IQCH: variants seen among roughly 807,000 people sequenced by gnomAD.
IQCH encodes IQ domain-containing protein H.
IQCH carries 98 observed loss-of-function variants against 117.0 expected under a neutral mutation model. The observed-to-expected ratio is 0.84, with a 90% CI of 0.71 to 0.99. The LOEUF is 0.99. Ranked by LOEUF, IQCH falls within the 50% of genes least tolerant of loss-of-function variation. The pLI is 0.00. For synonymous variants in IQCH, 412 were observed against 448.2 expected (o/e 0.92, Z 1.02); for missense variants, 1,102 against 1,243.8 (o/e 0.89, Z 1.72).
chr15:67,255,397 G>A (rs1361649479), intron 1 of IQCH: 1 of 161,886 alleles, frequency 6.2e-6, no homozygotes, highest in Non-Finnish European at 1.4e-5. Flanking sequence ...AGATCTAAAT[G>A]TTCCTCATTG....
intron 16 of IQCH, among the ~76,000 whole-genome samples, chr15:67,451,325 A>G (rs2082520797): frequency 6.6e-6 from 1 of 151,662 alleles, no homozygotes; most frequent in East Asian, 1.9e-4. Context: ...TAGGGTGTCA[A>G]TTTTAGATCT....
At chr15:67,283,604 G>A (rs74020133) in intron 4 of IQCH, among the ~76,000 whole-genome samples, 1 of 151,914 alleles carries the variant, frequency 6.6e-6, no homozygotes, top group Non-Finnish European at 1.5e-5. Flanking sequence ...AGTCTAAAGA[G>A]TCCAAAGTAA....
At position 67,413,972 on chromosome 15, in the gene IQCH, C is replaced by G. The variant is rs1596330446; in HGVS notation, c.2098-2959C>G. Among the ~76,000 whole-genome samples the G allele has an allele frequency of 6.6e-6, 1 of 152,348 alleles. No individual in the cohort carries two copies. The highest frequency in any genetic ancestry group is 6.5e-5 in the Admixed American group (1 of 15,300). ...ACAGTGTCCAGATGCCACACACAAG[C>G]AGCAGGCTGATGAGTTACTTATTGG... is the stretch of plus-strand genomic sequence containing the variant. On this transcript the variant is annotated intron_variant, in intron 14 of 20. Coordinates refer to ENST00000335894, the MANE Select transcript of IQCH (RefSeq NM_001031715.3). The surrounding 1 kb of genome is among the most constrained non-coding windows in gnomAD (Gnocchi z 5.0).
intron 4 of IQCH, among the ~76,000 whole-genome samples, chr15:67,284,820 G>T (rs12440294): frequency 0.3 from 45,152 of 151,982 alleles, 6,900 homozygotes; most frequent in South Asian, 0.37. Flanking sequence ...GTATTCCATG[G>T]TGTATATCTA....
rs12102223 is a variant in IQCH at position 67,333,720 on chromosome 15, A to G, written c.388-3255A>G. 5.1e-3 allele frequency among the ~76,000 whole-genome samples: 779 copies of G among 152,276 alleles called. 6 individuals are homozygous for G. Among genetic ancestry groups the G allele is most frequent in the African/African-American group, 0.018 (735 of 41,536 alleles). On this transcript the variant is annotated intron_variant, in intron 4 of 20. Transcript: ENST00000335894. ...GTTAATTCTGGCTGATGGGAATATG[A>G]TTGCTGTTTTCTTCTTTAAGCTTTT...
chr15:67,310,287 A>G (rs1335131826), intron 4 of IQCH, among the ~76,000 whole-genome samples: 1 of 152,068 alleles, frequency 6.6e-6, no homozygotes, highest in East Asian at 1.9e-4. Flanking sequence ...TCAGTGGGTT[A>G]ATTTGTGCTT....
intron 10 of IQCH, among the ~76,000 whole-genome samples, chr15:67,378,373 G>C (rs368942599): frequency 5.3e-5 from 8 of 151,022 alleles, no homozygotes; most frequent in African/African-American, 2.0e-4. Flanking sequence ...AGGAAATCTG[G>C]ACTTTCAATA....
chr15:67,475,823 G>A lies in IQCH; in HGVS notation c.2799+5G>A. ...GGCATTGGCTATGATGTTGAGGTAT[G>A]AAGGGTTACAGTTGGCCAGGGGCGG... On this transcript the variant is annotated splice_donor_5th_base_variant and intron_variant, in intron 18 of 20. Coordinates refer to ENST00000335894, the MANE Select transcript of IQCH (RefSeq NM_001031715.3). The surrounding 1 kb of genome is among the most constrained non-coding windows in gnomAD (Gnocchi z 5.7). The A allele has an allele frequency of 6.2e-7, 1 of 1,613,646 alleles. No individual in the cohort carries two copies. The highest frequency in any genetic ancestry group is 8.5e-7 in the Non-Finnish European group (1 of 1,179,688).
chr15:67,329,823 C>CAT (rs1403813480), intron 4 of IQCH, among the ~76,000 whole-genome samples: 3 of 145,658 alleles, frequency 2.1e-5, no homozygotes, highest in Non-Finnish European at 3.1e-5. Context: ...GTGAATTATA[C>CAT]ACACACACAC....
chr15:67,276,278 A>T (rs1966119185), intron 3 of IQCH, among the ~76,000 whole-genome samples: 1 of 152,220 alleles, frequency 6.6e-6, no homozygotes, highest in Admixed American at 6.5e-5. Context: ...GAAGGTGGTG[A>T]CATACTGTCT....
At position 67,381,841 on chromosome 15, in the gene IQCH, TGTG is replaced by T. The variant is rs907621433; in HGVS notation, c.1373-3092_1373-3090del. ...ACAAAAATTACAAAAATTAGCCAGG[TGTG>T]GTAGTGTGCACCAGTAGTCTCACCT... On this transcript the variant is annotated intron_variant, in intron 10 of 20. Coordinates refer to ENST00000335894, the MANE Select transcript of IQCH (RefSeq NM_001031715.3). The surrounding 1 kb of genome is among the most constrained non-coding windows in gnomAD (Gnocchi z 5.1). Among the ~76,000 whole-genome samples the T allele has an allele frequency of 6.6e-6, 1 of 151,774 alleles. No homozygotes were observed. The highest frequency in any genetic ancestry group is 1.5e-5 in the Non-Finnish European group (1 of 67,952).
chr15:67,494,329 TATC>T lies in IQCH; in HGVS notation c.2935_2937del (p.Ser979del). On this transcript the variant is annotated inframe_deletion, in exon 20 of 21. Transcript: ENST00000335894. The surrounding 1 kb of genome is among the most constrained non-coding windows in gnomAD (Gnocchi z 5.5). ...CATCTCTTCATCATCCATCAAGAAA[TATC>T]AGCACCTAATATGCAAGGCGAGACC... is the stretch of plus-strand genomic sequence containing the variant. 1 of 1,613,318 alleles carries T rather than the reference TATC, an allele frequency of 6.2e-7. No individual in the cohort carries two copies. The highest frequency in any genetic ancestry group is 1.1e-5 in the South Asian group (1 of 90,806).
chr15:67,371,908 T>A (rs1026332635), intron 8 of IQCH, among the ~76,000 whole-genome samples: 2 of 152,206 alleles, frequency 1.3e-5, no homozygotes, highest in African/African-American at 2.4e-5. Context: ...TTGAGTGATC[T>A]CTAAGATATC....
chr15:67,379,734 C>A (rs1266562102), intron 10 of IQCH, among the ~76,000 whole-genome samples: 1 of 152,132 alleles, frequency 6.6e-6, no homozygotes, highest in Admixed American at 6.5e-5. Context: ...CTCCTGCCAC[C>A]ATGTGAAGAA....
chr15:67,326,416 G>A (rs1011809704), intron 4 of IQCH, among the ~76,000 whole-genome samples: 2 of 152,116 alleles, frequency 1.3e-5, no homozygotes, highest in Non-Finnish European at 2.9e-5. Context: ...GAATAGTGCT[G>A]CAATAAACAT....
rs755159229 is a variant in IQCH at position 67,500,611 on chromosome 15, T to A, written c.2971-22T>A. ...GGGATTGTAAGAGGTCTTTAAGTAATAAATATTGTCTTTATTTACAGACCA... is the reference window on the plus strand; with the variant it reads ...GGGATTGTAAGAGGTCTTTAAGTAAAAAATATTGTCTTTATTTACAGACCA... On this transcript the variant is annotated intron_variant, in intron 20 of 20. Transcript: ENST00000335894. This position sits in a 1 kb window ranked among gnomAD's most constrained non-coding sequence, Gnocchi z 4.4. 12 of 1,269,874 alleles carry A rather than the reference T, an allele frequency of 9.4e-6. No individual in the cohort carries two copies. Among genetic ancestry groups the A allele is most frequent in the Admixed American group, 1.9e-5 (1 of 51,898 alleles). The allele number at this position is 1,269,874 out of a possible 1,614,324, so 78.7% of individuals were successfully genotyped here.
rs754170908 is a variant in IQCH at position 67,395,449 on chromosome 15, C to T, written c.1791C>T (p.Gly597=). The change falls in exon 13 of 21, where the codon GGC becomes GGT. Residue 597 remains glycine (G), a synonymous_variant. Coordinates refer to ENST00000335894, the MANE Select transcript of IQCH (RefSeq NM_001031715.3). The surrounding 1 kb of genome is among the most constrained non-coding windows in gnomAD (Gnocchi z 4.0). ...VADMLDIPIL[G]SEPELAHLYS... ...ATATGTTAGACATACCCATCCTGGG[C>T]TCTGAGCCTGAACTAGCTCATCTTT... is the stretch of plus-strand genomic sequence containing the variant. 1 of 1,614,064 alleles carries T rather than the reference C, an allele frequency of 6.2e-7. No homozygotes were observed. The highest frequency in any genetic ancestry group is 8.5e-7 in the Non-Finnish European group (1 of 1,179,980).
chr15:67,289,810 T>C (rs1200436158), intron 4 of IQCH, among the ~76,000 whole-genome samples: 3 of 152,128 alleles, frequency 2.0e-5, no homozygotes, highest in African/African-American at 7.2e-5. Flanking sequence ...ATGAGTAATG[T>C]AGTTGAAGTT....
At chr15:67,303,236 C>A (rs1189943504) in intron 4 of IQCH, among the ~76,000 whole-genome samples, 1 of 152,094 alleles carries the variant, frequency 6.6e-6, no homozygotes, top group Non-Finnish European at 1.5e-5. Context: ...AGAATAGATA[C>A]ATCAGGAGAG....
Sources: gnomAD v4.1 joint callset for allele counts (sites outside exome capture counted in the v4.1 genomes callset) on GRCh38, gnomAD v4.1.1 for gene constraint, Gnocchi (gnomAD v3.1) non-coding constraint, MANE v1.5 for transcripts, NCBI Gene and HGNC (gene_info 2026-07-23, HGNC 2026-07-21) for gene names.